The following TTLL5 variants were observed in gnomAD, a reference collection of about 807,000 sequenced individuals.
TTLL5 encodes the protein tubulin tyrosine ligase like 5.
TTLL5 carries 132 observed loss-of-function variants against 168.4 expected under a neutral mutation model. That is an observed-to-expected ratio of 0.78 (90% CI 0.68 to 0.91). The LOEUF (loss-of-function observed/expected upper bound fraction) is 0.91, where lower values mean the gene tolerates loss of function less well. Among genes scored for constraint, TTLL5 ranks in the 40% least tolerant of loss-of-function variants. The pLI, the probability that TTLL5 is intolerant of heterozygous loss-of-function variation, is 0.00. For synonymous variants in TTLL5, 546 were observed against 558.6 expected (o/e 0.98, Z 0.32); for missense variants, 1,545 against 1,581.5 (o/e 0.98, Z 0.39).
chr14:75,915,793 T>G (rs1426152903), intron 31 of TTLL5, among the ~76,000 whole-genome samples: 1 of 151,828 alleles, frequency 6.6e-6, no homozygotes, highest in Non-Finnish European at 1.5e-5. Context: ...GAACCCATGG[T>G]GAGATACCAC....
chr14:75,747,117 C>CT (rs963268764), intron 17 of TTLL5, among the ~76,000 whole-genome samples: 1 of 151,140 alleles, frequency 6.6e-6, no homozygotes. Flanking sequence ...TTTTTTCAGA[C>CT]TTTTTTTTTC....
chr14:75,764,751 G>A lies in TTLL5; in HGVS notation c.1687G>A (p.Ala563Thr), dbSNP rs887757999. The A allele has an allele frequency of 6.8e-6, 11 of 1,614,006 alleles. No homozygotes were observed. Among genetic ancestry groups the A allele is most frequent in the Non-Finnish European group, 8.5e-6 (10 of 1,179,996 alleles). ...TAGACGACGGAGTAGCAGATTGAGG[G>A]CAATGAGGCCAAAATACCCAGGTAC... ...KRRRRSSRLR[A>T]MRPKYPVITQ... The change falls in exon 19 of 32, where the codon GCA becomes ACA. Residue 563 changes from alanine (A) to threonine (T), a missense_variant. Physicochemically the swap from Ala to Thr is moderately conservative, Grantham distance 58. Transcript: ENST00000298832.
chr14:75,916,807 A>C (rs538518350), intron 31 of TTLL5, among the ~76,000 whole-genome samples: 1 of 152,244 alleles, frequency 6.6e-6, no homozygotes, highest in East Asian at 1.9e-4. Context: ...CAGATGAATG[A>C]GTCAACAAAA....
In TTLL5 at chr14:75,954,733, T is replaced by C; in HGVS notation, c.*287T>C. The C allele has an allele frequency of 2.1e-6, 1 of 469,724 alleles. No homozygotes were observed. Among genetic ancestry groups the C allele is most frequent in the Non-Finnish European group, 3.8e-6 (1 of 261,440 alleles). The allele number at this position is 469,724 out of a possible 1,614,324, so 29.1% of individuals were successfully genotyped here. A position where few individuals can be genotyped will look rare whatever the true frequency, so the allele number is the denominator to read the frequency against. On this transcript the variant is annotated 3_prime_UTR_variant, in exon 32 of 32. Coordinates refer to ENST00000298832, the MANE Select transcript of TTLL5 (RefSeq NM_015072.5). ...CAGAGCACACTTGTATCTTTTACCT[T>C]CCCTTTGCCCCATGCCCCCAAACTG...
intron 6 of TTLL5, among the ~76,000 whole-genome samples, chr14:75,691,359 A>G (rs1394738756): frequency 1.3e-5 from 2 of 152,238 alleles, no homozygotes; most frequent in Admixed American, 6.5e-5. Context: ...CAGAAGAGAC[A>G]TGAGTACAGA....
rs1163082519 is a variant in TTLL5 at position 75,798,936 on chromosome 14, C to T, written c.3171+5836C>T. Among the ~76,000 whole-genome samples, 4 of 152,028 alleles carry T rather than the reference C, an allele frequency of 2.6e-5. No homozygotes were observed. In the South Asian group the frequency reaches 6.2e-4, roughly 24 times the overall value. Reference sequence around the variant, plus strand: ...TGTGCTGATGAATAGAATGTGTATTCTGCAGTTGCTGGGTAGAATGTTCTG... The same window carrying T: ...TGTGCTGATGAATAGAATGTGTATTTTGCAGTTGCTGGGTAGAATGTTCTG... On this transcript the variant is annotated intron_variant, in intron 27 of 31. Transcript: ENST00000298832.
At chr14:75,844,254 T>G (rs1896424676) in intron 28 of TTLL5, among the ~76,000 whole-genome samples, 1 of 152,204 alleles carries the variant, frequency 6.6e-6, no homozygotes, top group African/African-American at 2.4e-5. Flanking sequence ...TTGAGGTTCC[T>G]TCTTTGCCTA....
intron 27 of TTLL5, among the ~76,000 whole-genome samples, chr14:75,811,585 A>T (rs1046348800): frequency 6.6e-6 from 1 of 152,096 alleles, no homozygotes; most frequent in Non-Finnish European, 1.5e-5. Flanking sequence ...ATAAATTCCA[A>T]CATGGCTTGA....
intron 10 of TTLL5, among the ~76,000 whole-genome samples, chr14:75,718,425 C>T (rs1474035061): frequency 2.6e-5 from 4 of 152,018 alleles, no homozygotes; most frequent in African/African-American, 4.8e-5. Flanking sequence ...ACCATGTATT[C>T]GTAGGTGGAA....
At chr14:75,754,575 C>G (rs1473886804) in intron 18 of TTLL5, among the ~76,000 whole-genome samples, 1 of 152,006 alleles carries the variant, frequency 6.6e-6, no homozygotes, top group East Asian at 1.9e-4. Context: ...ACTGCATTAG[C>G]CAAAATGAGG....
intron 28 of TTLL5, among the ~76,000 whole-genome samples, chr14:75,822,229 G>T (rs992164766): frequency 1.3e-5 from 2 of 152,140 alleles, no homozygotes; most frequent in Non-Finnish European, 2.9e-5. Flanking sequence ...TCCTTTAGTC[G>T]TAAGGATGAC....
In TTLL5 at chr14:75,718,720, G is replaced by A. The variant is rs541836710; in HGVS notation, c.842+758G>A. 2.2e-4 allele frequency among the ~76,000 whole-genome samples: 33 copies of A among 152,266 alleles called. No homozygotes were observed. The Middle Eastern group carries it at 0.01, about 47-fold the overall frequency. ...AAAGAAATGAGGCCATCTCAGAAAA[G>A]GATTCAGTGGAAGGGAGTACTAGCC... On this transcript the variant is annotated intron_variant, in intron 10 of 31. Coordinates refer to ENST00000298832, the MANE Select transcript of TTLL5 (RefSeq NM_015072.5).
chr14:75,933,647 T>C (rs2034345858), intron 31 of TTLL5, among the ~76,000 whole-genome samples: 1 of 152,232 alleles, frequency 6.6e-6, no homozygotes, highest in Non-Finnish European at 1.5e-5. Flanking sequence ...CAAGCTTCTT[T>C]CCACTTAAGC....
rs750355081 is a variant in TTLL5 at position 75,882,687 on chromosome 14, A to C, written c.3525A>C (p.Ala1175=). Residue 1175 remains alanine, a splice_region_variant and synonymous_variant, in exon 30 of 32, where the codon GCA becomes GCC. Transcript: ENST00000298832. ...LLDQSRARHQ[A]IFGSQTLPNS... is the part of the protein sequence containing the mutation. Reference sequence around the variant, plus strand: ...TTTTTTTCCTTTTTTTTTTGTAGGCAATCTTTGGCAGCCAGACACTACCTA... The same window carrying C: ...TTTTTTTCCTTTTTTTTTTGTAGGCCATCTTTGGCAGCCAGACACTACCTA... 3 of 1,602,188 alleles carry C rather than the reference A, an allele frequency of 1.9e-6. No individual in the cohort carries two copies. Among genetic ancestry groups the C allele is most frequent in the Non-Finnish European group, 1.7e-6 (2 of 1,175,114 alleles).
chr14:75,727,975 C>A, intron 12 of TTLL5: 1 of 370,026 alleles, frequency 2.7e-6, no homozygotes, highest in Non-Finnish European at 5.3e-6. Context: ...ATTATCAAGA[C>A]TTGTCAAGTT....
chr14:75,935,998 C>T (rs2034423618), intron 31 of TTLL5, among the ~76,000 whole-genome samples: 1 of 152,138 alleles, frequency 6.6e-6, no homozygotes, highest in South Asian at 2.1e-4. Context: ...GCATATAGCC[C>T]TTAAATTCAT....
At chr14:75,885,863 GC>G (rs1248645096) in intron 30 of TTLL5, among the ~76,000 whole-genome samples, 1 of 152,166 alleles carries the variant, frequency 6.6e-6, no homozygotes, top group Non-Finnish European at 1.5e-5. Context: ...CAAATACAGT[GC>G]CTGGTATGTA....
chr14:75,701,161 A>G (rs1886239238), intron 7 of TTLL5, among the ~76,000 whole-genome samples: 1 of 152,090 alleles, frequency 6.6e-6, no homozygotes, highest in Non-Finnish European at 1.5e-5. Flanking sequence ...AGAAACTCAT[A>G]TTCTGATTTG....
At chr14:75,775,878 C>G (rs915557044) in intron 22 of TTLL5, among the ~76,000 whole-genome samples, 4 of 152,174 alleles carry the variant, frequency 2.6e-5, no homozygotes, top group African/African-American at 9.7e-5. Flanking sequence ...AAGGCATATT[C>G]CTTTTGAGCA....
Sources: allele counts gnomAD v4.1 joint callset (sites outside exome capture counted in the v4.1 genomes callset), GRCh38; gene constraint gnomAD v4.1.1; transcripts MANE v1.5; gene names NCBI Gene and HGNC (gene_info 2026-07-23, HGNC 2026-07-21).